Variants in RAB38 observed in about 807,000 individuals in gnomAD.
RAB38 encodes ras-related protein Rab-38.
Under a neutral mutation model 18.4 loss-of-function variants are expected in RAB38, and 15 were observed. The observed-to-expected ratio is 0.82, with a 90% CI of 0.55 to 1.26. RAB38 has a LOEUF of 1.26. Ranked by LOEUF, RAB38 falls within the 50% of genes most tolerant of loss-of-function variation. The pLI, the probability that RAB38 is intolerant of heterozygous loss-of-function variation, is 0.00. For missense variants in RAB38, 294 were observed against 267.4 expected, an observed-to-expected ratio of 1.10 and a Z score of -0.69; for synonymous variants, 101 against 104.4, an observed-to-expected ratio of 0.97 and a Z score of 0.20.
At chr11:87,853,868 CTA>C in the RAB38 span, among the ~76,000 whole-genome samples, 1 of 152,194 alleles carries the variant, frequency 6.6e-6, no homozygotes, top group South Asian at 2.1e-4. Context: ...GTTGGCAAGG[CTA>C]TATGTTTTTC....
the RAB38 span, among the ~76,000 whole-genome samples, chr11:88,006,593 TA>T: frequency 2.6e-4 from 36 of 141,084 alleles, no homozygotes; most frequent in Middle Eastern, 3.6e-3. Context: ...TATATGTATA[TA>T]ATATATATAC....
chr11:87,954,112 A>G, the RAB38 span, among the ~76,000 whole-genome samples: 33 of 152,050 alleles, frequency 2.2e-4, no homozygotes, highest in Non-Finnish European at 4.1e-4. Flanking sequence ...GCTGAGATAC[A>G]TAAGAACATC....
the RAB38 span, among the ~76,000 whole-genome samples, chr11:87,897,543 T>A: frequency 1.3e-5 from 2 of 151,640 alleles, no homozygotes; most frequent in African/African-American, 4.8e-5. Flanking sequence ...TGTTCTTTTT[T>A]AATAAAACTG....
chr11:88,058,269 C>G, the RAB38 span, among the ~76,000 whole-genome samples: 1 of 151,896 alleles, frequency 6.6e-6, no homozygotes, highest in Non-Finnish European at 1.5e-5. Flanking sequence ...GACATTCCTG[C>G]TGGTTATTTG....
At chr11:87,971,210 G>A in the RAB38 span, among the ~76,000 whole-genome samples, 9 of 152,062 alleles carry the variant, frequency 5.9e-5, no homozygotes, top group Admixed American at 5.9e-4. Flanking sequence ...AGGCCTCAGA[G>A]CTGAGTTACA....
At chr11:88,005,585 G>GT in the RAB38 span, among the ~76,000 whole-genome samples, 28,272 of 147,382 alleles carry the variant, frequency 0.19, 2,882 homozygotes, top group Middle Eastern at 0.3. Context: ...CTGTGCAGAA[G>GT]TTTTTTTTTT....
chr11:87,863,854 T>C, the RAB38 span, among the ~76,000 whole-genome samples: 1 of 151,752 alleles, frequency 6.6e-6, no homozygotes, highest in Admixed American at 6.6e-5. Flanking sequence ...TGTCTAAGCA[T>C]AATGTGAAAA....
chr11:88,015,694 A>G, the RAB38 span, among the ~76,000 whole-genome samples: 4 of 152,142 alleles, frequency 2.6e-5, no homozygotes, highest in East Asian at 7.7e-4. Context: ...GCCAGTAAAG[A>G]CAGCACCCAG....
At chr11:88,124,366 T>A (rs1329487862) in intron 2 of RAB38, among the ~76,000 whole-genome samples, 1 of 152,138 alleles carries the variant, frequency 6.6e-6, no homozygotes, top group African/African-American at 2.4e-5. Context: ...ATTTTTGCAA[T>A]CTACTCTTCT....
At chr11:87,914,386 C>A in the RAB38 span, among the ~76,000 whole-genome samples, 1 of 151,994 alleles carries the variant, frequency 6.6e-6, no homozygotes, top group Admixed American at 6.6e-5. Context: ...CGCTGTAGGG[C>A]CCTGTGGAGG....
chr11:88,134,343 C>T (rs754586232), intron 2 of RAB38, among the ~76,000 whole-genome samples: 5 of 152,098 alleles, frequency 3.3e-5, no homozygotes, highest in African/African-American at 4.8e-5. Context: ...TGGGTTCAAG[C>T]GATTCTCCTG....
chr11:88,079,746 A>C, the RAB38 span, among the ~76,000 whole-genome samples: 1 of 151,818 alleles, frequency 6.6e-6, no homozygotes, highest in African/African-American at 2.4e-5. Context: ...CAACATGTGC[A>C]AATCAATCTA....
At chr11:88,146,002 T>C (rs575682681) in intron 2 of RAB38, among the ~76,000 whole-genome samples, 1 of 152,290 alleles carries the variant, frequency 6.6e-6, no homozygotes, top group South Asian at 2.1e-4. Flanking sequence ...GAAAAGACTA[T>C]TTTCTTTCCT....
At chr11:87,806,297 A>G in the RAB38 span, among the ~76,000 whole-genome samples, 1 of 152,160 alleles carries the variant, frequency 6.6e-6, no homozygotes, top group Admixed American at 6.5e-5. Flanking sequence ...AGGCTAAGCA[A>G]TCCAAGATCA....
intron 2 of RAB38, among the ~76,000 whole-genome samples, chr11:88,147,079 C>T (rs772828269): frequency 4.6e-5 from 7 of 152,290 alleles, no homozygotes; most frequent in Non-Finnish European, 7.4e-5. Context: ...TTTTGACCCA[C>T]GGGTAATTTC....
At chr11:88,046,708 C>G in the RAB38 span, among the ~76,000 whole-genome samples, 1 of 152,210 alleles carries the variant, frequency 6.6e-6, no homozygotes, top group East Asian at 1.9e-4. Flanking sequence ...AACACAACTC[C>G]TTTCCTTCCT....
chr11:87,922,881 A>G, the RAB38 span, among the ~76,000 whole-genome samples: 1 of 149,736 alleles, frequency 6.7e-6, no homozygotes, highest in Non-Finnish European at 1.5e-5. Context: ...AGAAAAATGG[A>G]TGGGAGATGG....
chr11:87,853,693 CTTCAG>C, the RAB38 span, among the ~76,000 whole-genome samples: 3 of 152,178 alleles, frequency 2.0e-5, no homozygotes, highest in African/African-American at 4.8e-5. Context: ...AAATTCTAAT[CTTCAG>C]TTCAGAAAAG....
At chr11:87,954,826 G>GACTC in the RAB38 span, among the ~76,000 whole-genome samples, 3,544 of 152,200 alleles carry the variant, frequency 0.023, 136 homozygotes, top group African/African-American at 0.081. Flanking sequence ...TCTCATTAAA[G>GACTC]ACTCACCCTT....
Sources: allele counts gnomAD v4.1 joint callset (sites outside exome capture counted in the v4.1 genomes callset), GRCh38; gene constraint gnomAD v4.1.1; transcripts MANE v1.5; gene names NCBI Gene and HGNC (gene_info 2026-07-23, HGNC 2026-07-21).